SRP72: variants seen among roughly 807,000 people sequenced by gnomAD.
SRP72 encodes the protein signal recognition particle subunit SRP72.
In SRP72, 49 loss-of-function variants were observed where a neutral mutation model predicts 96.3. The ratio of observed to expected loss-of-function variants is 0.51; its 90% CI spans 0.40 to 0.65. The LOEUF (loss-of-function observed/expected upper bound fraction) is 0.65, where lower values mean the gene tolerates loss of function less well. SRP72 is among the 30% of genes least tolerant of loss of function. The pLI is 0.00. For missense variants in SRP72, 736 were observed against 793.3 expected (o/e 0.93, Z 0.87); for synonymous variants, 267 against 275.2 (o/e 0.97, Z 0.30).
Position 56,474,538 on chromosome 4 carries a change from C to T in SRP72, c.610+147C>T, listed in dbSNP as rs6821240. The T allele has an allele frequency of 5.6e-3, 4,088 of 734,480 alleles. 124 individuals are homozygous for T. In the African/African-American group the frequency reaches 0.065, roughly 12 times the overall value. The allele number at this position is 734,480 out of a possible 1,614,324, so 45.5% of individuals were successfully genotyped here. Reference sequence around the variant, plus strand: ...TTCTCCAAGTTCCTGTCGTCTTTCTCTCTCTTTTTTTTTTTTATGGAGTGG... The same window carrying T: ...TTCTCCAAGTTCCTGTCGTCTTTCTTTCTCTTTTTTTTTTTTATGGAGTGG... On this transcript the variant is annotated intron_variant, in intron 5 of 18. Coordinates refer to ENST00000642900, the MANE Select transcript of SRP72 (RefSeq NM_006947.4).
intron 2 of SRP72, among the ~76,000 whole-genome samples, chr4:56,470,726 C>A (rs527316461): frequency 1.3e-5 from 2 of 152,032 alleles, no homozygotes; most frequent in Admixed American, 6.5e-5. Flanking sequence ...CTGCTTTTCT[C>A]CTATTAAATA....
intron 17 of SRP72, among the ~76,000 whole-genome samples, chr4:56,499,957 A>G (rs940992323): frequency 6.6e-6 from 1 of 152,252 alleles, no homozygotes; most frequent in African/African-American, 2.4e-5. Flanking sequence ...AAAGATTGGA[A>G]CCAACCCAAA....
chr4:56,500,060 G>C (rs886489675), intron 17 of SRP72, among the ~76,000 whole-genome samples: 3 of 150,168 alleles, frequency 2.0e-5, no homozygotes, highest in East Asian at 2.0e-4. Flanking sequence ...CATATCCTTT[G>C]CAGGGACATG....
chr4:56,500,577 C>T lies in SRP72; in HGVS notation c.1720C>T (p.Pro574Ser). The T allele has an allele frequency of 6.2e-7, 1 of 1,613,710 alleles. No homozygotes were observed. The highest frequency in any genetic ancestry group is 1.1e-5 in the South Asian group (1 of 91,060). Residue 574 changes from proline to serine, a missense_variant, in exon 18 of 19, where the codon CCA becomes TCA. By Grantham distance (74) the Pro-to-Ser change is moderately conservative (BLOSUM62 -1). This residue lies in a region of SRP72 where 388 missense variants were observed against 431.8 expected (regional missense o/e 0.90). Coordinates refer to ENST00000642900, the MANE Select transcript of SRP72 (RefSeq NM_006947.4). ...KNYDPKVTPD[P>S]ERWLPMRERS... ...TTATGACCCAAAAGTTACCCCAGAT[C>T]CAGAAAGATGGCTGCCAATGCGAGA... is the stretch of plus-strand genomic sequence containing the variant.
intron 7 of SRP72, 43 bp downstream of exon 7, chr4:56,478,546 C>G (rs771965516): frequency 6.2e-7 from 1 of 1,612,296 alleles, no homozygotes; most frequent in South Asian, 1.1e-5. Context: ...GGATGGGGTT[C>G]TTTTTAAAGG....
At position 56,469,675 on chromosome 4, in the gene SRP72, C is replaced by T. The variant is rs530644774; in HGVS notation, c.132C>T (p.Asp44=). ...TAGTACTACAGATCAACAAAGATGA[C>T]GTAACTGCCCTGCATTGTAAAGTGG... ...VNKILQINKD[D]VTALHCKVVC... The change falls in exon 2 of 19, where the codon GAC becomes GAT. Residue 44 remains aspartate, a synonymous_variant. Coordinates refer to ENST00000642900, the MANE Select transcript of SRP72 (RefSeq NM_006947.4). 16 of 1,605,494 alleles carry T rather than the reference C, an allele frequency of 1.0e-5. No individual in the cohort carries two copies. The highest frequency in any genetic ancestry group is 3.3e-5 in the Admixed American group (2 of 59,844).
At position 56,471,447 on chromosome 4, in the gene SRP72, G is replaced by T. The variant is rs17086803; in HGVS notation, c.231-273G>T. Among the ~76,000 whole-genome samples the T allele has an allele frequency of 0.37, 55,636 of 152,086 alleles. 10,818 individuals carry two copies. The highest frequency in any genetic ancestry group is 0.66 in the East Asian group (3,424 of 5,170). ...TAAGACAATTACTTATTTAGCAGAT[G>T]AATGATTTCCTTCTTAAATGTTTAT... On this transcript the variant is annotated intron_variant, in intron 2 of 18. Transcript: ENST00000642900.
intron 10 of SRP72, among the ~76,000 whole-genome samples, chr4:56,485,295 AACTACATTGGAAAGTTGG>A (rs1165978209): frequency 6.6e-6 from 1 of 151,930 alleles, no homozygotes; most frequent in Non-Finnish European, 1.5e-5. Flanking sequence ...CTTGAATATA[AACTACATTGGAAAGTTGG>A]ACAGGTACAA....
At position 56,476,430 on chromosome 4, in the gene SRP72, C is replaced by T. The variant is rs77952840; in HGVS notation, c.611-241C>T. 25 of 499,092 alleles carry T rather than the reference C, an allele frequency of 5.0e-5. No homozygotes were observed. The East Asian group carries it at 8.4e-4, about 17-fold the overall frequency. 30.9% of individuals were successfully genotyped at this position (499,092 alleles called of 1,614,324 possible). Reference sequence around the variant, plus strand: ...TACTACATTTGTATTTTTTAATGCACTTTACAAATATTTTTAGCACAGACA... The same window carrying T: ...TACTACATTTGTATTTTTTAATGCATTTTACAAATATTTTTAGCACAGACA... On this transcript the variant is annotated intron_variant, in intron 5 of 18. Transcript: ENST00000642900.
Position 56,473,823 on chromosome 4 carries a change from C to T in SRP72, c.355-231C>T, listed in dbSNP as rs1172161125. On this transcript the variant is annotated intron_variant, in intron 3 of 18. Transcript: ENST00000642900. ...ACTTTTCTCAACTGAATCCTGCCTACAGAACCACAATATAGTGAAAATTCA... is the reference window on the plus strand; with the variant it reads ...ACTTTTCTCAACTGAATCCTGCCTATAGAACCACAATATAGTGAAAATTCA... 4.6e-5 allele frequency among the ~76,000 whole-genome samples: 7 copies of T among 151,902 alleles called. No individual in the cohort carries two copies. The East Asian group carries it at 1.2e-3, about 25-fold the overall frequency.
rs139885780 is a variant in SRP72 at position 56,484,817 on chromosome 4, C to G, written c.1039C>G (p.Gln347Glu). Residue 347 changes from glutamine to glutamate, a missense_variant, in exon 10 of 19, where the codon CAG becomes GAG. By Grantham distance (29) the Gln-to-Glu change is conservative. Coordinates refer to ENST00000642900, the MANE Select transcript of SRP72 (RefSeq NM_006947.4). ...HLLPVLIQAA[Q>E]LCREKQHTKA... ...CTTACCTGTGTTAATCCAAGCTGCCCAGCTCTGCCGTGAAAAGCAGCACAC... is the reference window on the plus strand; with the variant it reads ...CTTACCTGTGTTAATCCAAGCTGCCGAGCTCTGCCGTGAAAAGCAGCACAC... The G allele has an allele frequency of 2.5e-6, 4 of 1,613,974 alleles. No individual in the cohort carries two copies. The African/African-American group carries it at 5.3e-5, about 22-fold the overall frequency.
At position 56,501,757 on chromosome 4, in the gene SRP72, A is replaced by G. The variant is rs772770689; in HGVS notation, c.1912A>G (p.Thr638Ala). 13 of 1,614,140 alleles carry G rather than the reference A, an allele frequency of 8.1e-6. No homozygotes were observed. In the South Asian group the frequency reaches 1.2e-4, roughly 15 times the overall value. Reference protein sequence around the residue: ...PGSAATVSASTSNIIPPRHQK... With the variant: ...PGSAATVSASASNIIPPRHQK... The stretch of plus-strand genomic sequence containing the variant: ...CAGTGCTGCAACAGTATCTGCCTCT[A>G]CAAGTAACATCATACCCCCAAGACA... The change falls in exon 19 of 19, where the codon ACA (threonine) becomes GCA (alanine). Residue 638 changes from threonine to alanine, a missense_variant. This residue lies in a region of SRP72 where 388 missense variants were observed against 431.8 expected (regional missense o/e 0.90). Coordinates refer to ENST00000642900, the MANE Select transcript of SRP72 (RefSeq NM_006947.4).
intron 18 of SRP72, 92 bp from the exon 19 acceptor site, chr4:56,501,592 T>G (rs554113327): frequency 9.2e-7 from 1 of 1,086,478 alleles, no homozygotes; most frequent in Non-Finnish European, 1.3e-6. Flanking sequence ...TGGGAGATTG[T>G]TAAGTGTGAT....
At chr4:56,476,766 T>G (rs1434145203) in intron 6 of SRP72, 64 bp downstream of exon 6, 11 of 1,528,472 alleles carry the variant, frequency 7.2e-6, no homozygotes, top group Non-Finnish European at 9.9e-6. Context: ...TTACTGAGGC[T>G]TCATTGTACT....
At chr4:56,479,108 T>C (rs1349053870) in intron 8 of SRP72, among the ~76,000 whole-genome samples, 1 of 152,124 alleles carries the variant, frequency 6.6e-6, no homozygotes, top group Non-Finnish European at 1.5e-5. Flanking sequence ...TAAAATACTA[T>C]AAATATATAT....
chr4:56,476,830 A>AGGGTGGTTTCTAGTGTG, intron 6 of SRP72, 128 bp downstream of exon 6: 4 of 890,014 alleles, frequency 4.5e-6, no homozygotes, highest in Non-Finnish European at 6.9e-6. Context: ...ATCACACTAG[A>AGGGTGGTTTCTAGTGTG]AACCACCCTC....
Position 56,486,193 on chromosome 4 carries a change from T to C in SRP72, c.1087-132T>C, listed in dbSNP as rs1720704319. On this transcript the variant is annotated intron_variant, in intron 10 of 18. Transcript: ENST00000642900. ...GAATAAAAATTTCCCCAAGTTAAGA[T>C]TTTGACCTGCAGCCAGAAGTTTAAT... 4.8e-6 allele frequency: 3 copies of C among 626,512 alleles called. No individual in the cohort carries two copies. In the African/African-American group the frequency reaches 5.6e-5, roughly 12 times the overall value. 38.8% of individuals were successfully genotyped at this position (626,512 alleles called of 1,614,324 possible).
intron 8 of SRP72, among the ~76,000 whole-genome samples, chr4:56,479,718 C>T (rs530535773): frequency 1.2e-3 from 174 of 150,610 alleles, no homozygotes; most frequent in African/African-American, 4.1e-3. Flanking sequence ...CTGGGCTCAA[C>T]AAATCCTCCT....
chr4:56,481,768 CTTTTT>C (rs71194110), intron 8 of SRP72, among the ~76,000 whole-genome samples: 1 of 122,610 alleles, frequency 8.2e-6, no homozygotes, highest in African/African-American at 3.1e-5. Context: ...CTGTTGGCTC[CTTTTT>C]TTTTTTTTTT....
Sources: allele counts gnomAD v4.1 joint callset (sites outside exome capture counted in the v4.1 genomes callset), GRCh38; gene constraint gnomAD v4.1.1; regional missense constraint gnomAD v4.1.1; transcripts MANE v1.5; gene names NCBI Gene and HGNC (gene_info 2026-07-23, HGNC 2026-07-21).